Variants in SATB2 observed in about 807,000 individuals in gnomAD.
The protein encoded by SATB2 is SATB homeobox 2, also known as DNA-binding protein SATB2.
A neutral mutation model predicts 73.4 loss-of-function variants in SATB2; 1 was observed. The observed-to-expected ratio is 0.01, with a 90% confidence interval of 0.00 to 0.06. The LOEUF (loss-of-function observed/expected upper bound fraction) is 0.06, where lower values mean the gene tolerates loss of function less well. SATB2 is among the 10% of genes least tolerant of loss of function. The pLI is 1.00. For missense variants in SATB2, 459 were observed against 945.8 expected (o/e 0.49, Z 6.75); for synonymous variants, 397 against 367.0 (o/e 1.08, Z -0.93).
intron 6 of SATB2, among the ~76,000 whole-genome samples, chr2:199,358,308 T>C (rs1689045897): frequency 6.6e-6 from 1 of 152,126 alleles, no homozygotes; most frequent in South Asian, 2.1e-4. Context: ...AAAAAAATTC[T>C]GTTAATACAA....
chr2:199,326,339 A>G (rs992381200), intron 8 of SATB2, among the ~76,000 whole-genome samples: 1 of 152,174 alleles, frequency 6.6e-6, no homozygotes, highest in Non-Finnish European at 1.5e-5. Context: ...CAAAAATATC[A>G]AAACTGTGAT....
At chr2:199,381,656 C>G (rs761245601) in intron 4 of SATB2, 38 bp downstream of exon 4, 3 of 1,613,120 alleles carry the variant, frequency 1.9e-6, no homozygotes, top group Non-Finnish European at 2.5e-6. Flanking sequence ...CGGAGCAGCT[C>G]TGACAGTAAG....
In SATB2 at chr2:199,408,866, G is replaced by A. The variant is rs147342533; in HGVS notation, c.346+24472C>T. On this transcript the variant is annotated intron_variant, in intron 3 of 10. Transcript: ENST00000417098. The stretch of plus-strand genomic sequence containing the variant: ...AAAAGTGAGCTCCTCATCTCTGGAA[G>A]TAGCTAAGTGAAGGCTGGATCAAGC... Among the ~76,000 whole-genome samples the A allele has an allele frequency of 4.9e-3, 745 of 152,298 alleles. 3 individuals carry two copies. The highest frequency in any genetic ancestry group is 0.017 in the African/African-American group (702 of 41,570).
At position 199,386,999 on chromosome 2, in the gene SATB2, T is replaced by G. The variant is rs956277798; in HGVS notation, c.347-5179A>C. ...GGTACAATAAATATTCTTGGTTGGT[T>G]TGTATACCTTATAAAAAACCTACTT... On this transcript the variant is annotated intron_variant, in intron 3 of 10. Coordinates refer to ENST00000417098, the MANE Select transcript of SATB2 (RefSeq NM_001172509.2). Among the ~76,000 whole-genome samples, 3 of 152,320 alleles carry G rather than the reference T, an allele frequency of 2.0e-5. 1 individual carries two copies. Among genetic ancestry groups the G allele is most frequent in the Middle Eastern group, 6.8e-3 (2 of 294 alleles).
intron 2 of SATB2, among the ~76,000 whole-genome samples, chr2:199,443,698 A>G (rs1215718640): frequency 2.0e-5 from 3 of 152,350 alleles, no homozygotes; most frequent in African/African-American, 7.2e-5. Context: ...TTAAGCAGAC[A>G]GGCAACTACC....
At chr2:199,422,399 C>G (rs920912214) in intron 3 of SATB2, among the ~76,000 whole-genome samples, 1 of 151,112 alleles carries the variant, frequency 6.6e-6, no homozygotes, top group Admixed American at 6.6e-5. Flanking sequence ...TACAAATATA[C>G]AAAAATAGGG....
intron 8 of SATB2, 102 bp downstream of exon 8, chr2:199,328,596 C>A: frequency 1.2e-6 from 1 of 809,754 alleles, no homozygotes; most frequent in Non-Finnish European, 2.0e-6. Flanking sequence ...GAAAGAAATC[C>A]TTGAATTATG....
At chr2:199,422,659 C>G (rs1691206975) in intron 3 of SATB2, among the ~76,000 whole-genome samples, 3 of 152,042 alleles carry the variant, frequency 2.0e-5, no homozygotes, top group Admixed American at 6.6e-5. Context: ...TTTTCTGAAG[C>G]CAATTTTTGG....
At chr2:199,386,696 GCGCGCGCGCGCGCGCGCGCGCACACACA>G (rs1421239016) in intron 3 of SATB2, among the ~76,000 whole-genome samples, 34 of 434 alleles carry the variant, frequency 0.078, no homozygotes, top group African/African-American at 0.12. Flanking sequence ...ACGTGCGCAA[GCGCGCGCGCGCGCGCGCGCGCACACACA>G]CACACACACA....
intron 3 of SATB2, among the ~76,000 whole-genome samples, chr2:199,431,302 G>A (rs1350156536): frequency 6.6e-6 from 1 of 152,132 alleles, no homozygotes; most frequent in Non-Finnish European, 1.5e-5. Context: ...TCTGAATGAA[G>A]ACAATGATCT....
intron 3 of SATB2, among the ~76,000 whole-genome samples, chr2:199,412,481 G>A (rs1690850489): frequency 6.6e-6 from 1 of 152,166 alleles, no homozygotes; most frequent in Admixed American, 6.5e-5. Context: ...CTCACCACAC[G>A]CCCCTCCTGA....
At chr2:199,360,559 A>C (rs1263109522) in intron 6 of SATB2, among the ~76,000 whole-genome samples, 1 of 151,896 alleles carries the variant, frequency 6.6e-6, no homozygotes, top group African/African-American at 2.4e-5. Context: ...CCCTCCTTAC[A>C]CATCTCCTTG....
chr2:199,351,793 T>C (rs1026428092), intron 6 of SATB2, among the ~76,000 whole-genome samples: 5 of 152,232 alleles, frequency 3.3e-5, no homozygotes, highest in Non-Finnish European at 4.4e-5. Flanking sequence ...TTTAATTCAG[T>C]CAAAGTAAAG....
At chr2:199,313,309 G>T (rs1687644722) in intron 9 of SATB2, among the ~76,000 whole-genome samples, 1 of 152,078 alleles carries the variant, frequency 6.6e-6, no homozygotes, top group East Asian at 1.9e-4. Flanking sequence ...AACTTATAGA[G>T]AAAAATATAC....
chr2:199,315,248 A>G (rs567511917), intron 9 of SATB2, among the ~76,000 whole-genome samples: 35 of 152,202 alleles, frequency 2.3e-4, no homozygotes, highest in African/African-American at 8.2e-4. Flanking sequence ...TCAATTGAAA[A>G]TGAATGAGGT....
chr2:199,320,000 T>A (rs1219802540), intron 9 of SATB2, among the ~76,000 whole-genome samples: 1 of 152,060 alleles, frequency 6.6e-6, no homozygotes, highest in Non-Finnish European at 1.5e-5. Context: ...CCTCTAGATT[T>A]CTACAACCCA....
chr2:199,467,980 A>G (rs927588614), upstream of SATB2: 2 of 152,168 alleles, frequency 1.3e-5, no homozygotes, highest in African/African-American at 4.8e-5. Flanking sequence ...AGTTTTCAGT[A>G]GATGTGGAAT....
At chr2:199,353,432 G>A (rs1023378706) in intron 6 of SATB2, among the ~76,000 whole-genome samples, 3 of 152,068 alleles carry the variant, frequency 2.0e-5, no homozygotes, top group African/African-American at 4.8e-5. Flanking sequence ...TAGGATTACA[G>A]GCATGAGCCA....
At chr2:199,298,633 T>A (rs948756834) in intron 10 of SATB2, among the ~76,000 whole-genome samples, 1 of 152,196 alleles carries the variant, frequency 6.6e-6, no homozygotes, top group African/African-American at 2.4e-5. Flanking sequence ...GAAACGCAAC[T>A]GGGATTGAGC....
Sources: allele counts gnomAD v4.1 joint callset (sites outside exome capture counted in the v4.1 genomes callset), GRCh38; gene constraint gnomAD v4.1.1; transcripts MANE v1.5; gene names NCBI Gene and HGNC (gene_info 2026-07-23, HGNC 2026-07-21).